The following KDM6A variants were observed in gnomAD, a reference collection of about 807,000 sequenced individuals.
The protein encoded by KDM6A is lysine-specific demethylase 6A.
In KDM6A, 11 loss-of-function variants were observed where a neutral mutation model predicts 117.6. The ratio of observed to expected loss-of-function variants is 0.09; its 90% CI spans 0.06 to 0.15. The LOEUF is 0.15. KDM6A is among the 10% of genes least tolerant of loss of function. The pLI is 1.00. For missense variants in KDM6A, 799 were observed against 1,077.3 expected (o/e 0.74, Z 3.62); for synonymous variants, 384 against 396.1 (o/e 0.97, Z 0.36).
intron 8 of KDM6A, 36 bp downstream of exon 8, chrX:45,037,725 C>G: frequency 1.9e-6 from 2 of 1,074,536 alleles, no homozygotes; most frequent in Admixed American, 4.4e-5. Context: ...AAAACAAAAG[C>G]AAACAAAAAT....
chrX:44,974,243 A>G (rs375658438), intron 3 of KDM6A, among the ~76,000 whole-genome samples: 46 of 111,447 alleles, frequency 4.1e-4, no homozygotes, highest in African/African-American at 1.2e-3. Flanking sequence ...GAGGGAGCCA[A>G]TTGCTTCTCA....
chrX:44,911,287 G>A (rs1457967536), intron 2 of KDM6A, among the ~76,000 whole-genome samples: 50 of 104,092 alleles, frequency 4.8e-4, no homozygotes, highest in African/African-American at 1.7e-3. Context: ...GCTGCTGGGC[G>A]GAGGGGCTCC....
At chrX:44,983,461 G>A (rs1236714086) in intron 4 of KDM6A, among the ~76,000 whole-genome samples, 1 of 110,550 alleles carries the variant, frequency 9.0e-6, no homozygotes, top group African/African-American at 3.3e-5. Flanking sequence ...TGTGCACAAC[G>A]TGCAGGTTAG....
intron 2 of KDM6A, among the ~76,000 whole-genome samples, chrX:44,941,772 A>T (rs193000678): frequency 4.0e-4 from 44 of 109,501 alleles, no homozygotes; most frequent in African/African-American, 1.4e-3. Context: ...AGCCACCGCG[A>T]CTGGCAATTC....
rs760927154 is a variant in KDM6A at position 45,062,783 on chromosome X, G to A, written c.1683+35G>A. 13 of 925,175 alleles carry A rather than the reference G, an allele frequency of 1.4e-5. 1 individual carries two copies. The South Asian group carries it at 1.6e-4, about 11-fold the overall frequency. The allele number at this position is 925,175 out of a possible 1,213,427, so 76.2% of individuals were successfully genotyped here. A position where few individuals can be genotyped will look rare whatever the true frequency, so the allele number is the denominator to read the frequency against. On this transcript the variant is annotated intron_variant, in intron 16 of 29. Transcript: ENST00000611820. ...GCATATTTTTCCCTGAAATTTGTTA[G>A]CATTTTGAGTATTTTTATTGACTCT...
At chrX:45,083,811 A>G (rs941642950) in intron 24 of KDM6A, among the ~76,000 whole-genome samples, 11 of 111,529 alleles carry the variant, frequency 9.9e-5, no homozygotes, top group African/African-American at 3.3e-4. Context: ...AAACATTATA[A>G]CAATTTAATC....
At chrX:44,896,145 C>T (rs903349311) in intron 2 of KDM6A, among the ~76,000 whole-genome samples, 1 of 107,947 alleles carries the variant, frequency 9.3e-6, no homozygotes, top group Non-Finnish European at 1.9e-5. Flanking sequence ...TGGATTTCCG[C>T]TCACTGCAAG....
intron 6 of KDM6A, among the ~76,000 whole-genome samples, chrX:45,022,245 A>G (rs1026474210): frequency 8.9e-6 from 1 of 112,275 alleles, no homozygotes; most frequent in African/African-American, 3.2e-5. Flanking sequence ...CCTTTAATCA[A>G]GGGAAACAGT....
chrX:45,075,232 A>G (rs373497670), intron 18 of KDM6A, among the ~76,000 whole-genome samples: 2 of 111,601 alleles, frequency 1.8e-5, no homozygotes, highest in East Asian at 5.6e-4. Context: ...TGGTTTAATG[A>G]TAATACTTGA....
chrX:45,019,329 A>G (rs1364142101), intron 5 of KDM6A, among the ~76,000 whole-genome samples: 2 of 111,749 alleles, frequency 1.8e-5, no homozygotes, highest in African/African-American at 6.5e-5. Context: ...TTCAGAAGAA[A>G]GTACTGTCAT....
At chrX:45,048,841 T>G (rs1016670284) in intron 8 of KDM6A, among the ~76,000 whole-genome samples, 1 of 106,730 alleles carries the variant, frequency 9.4e-6, no homozygotes, top group Non-Finnish European at 1.9e-5. Flanking sequence ...CCAAATATTG[T>G]CAGAGGCAAA....
intron 2 of KDM6A, among the ~76,000 whole-genome samples, chrX:44,944,766 T>A (rs1669740811): frequency 8.9e-6 from 1 of 112,407 alleles, no homozygotes; most frequent in Admixed American, 9.5e-5. Flanking sequence ...GCTGACTTTG[T>A]AGCATATGTC....
intron 5 of KDM6A, among the ~76,000 whole-genome samples, chrX:45,012,446 G>T (rs908406444): frequency 4.6e-5 from 5 of 108,303 alleles, no homozygotes; most frequent in African/African-American, 1.3e-4. Context: ...CAAGTGATCC[G>T]CCCACCTCAG....
At chrX:44,993,523 T>G (rs1162218026) in intron 4 of KDM6A, among the ~76,000 whole-genome samples, 1 of 111,137 alleles carries the variant, frequency 9.0e-6, no homozygotes. Flanking sequence ...TACTGAATTT[T>G]CACTGACTCC....
At chrX:44,886,347 C>G (rs1236244964) in intron 2 of KDM6A, among the ~76,000 whole-genome samples, 4 of 111,250 alleles carry the variant, frequency 3.6e-5, no homozygotes, top group African/African-American at 1.3e-4. Context: ...TGCACCTGAC[C>G]TACTGTGAGC....
intron 3 of KDM6A, among the ~76,000 whole-genome samples, chrX:44,963,092 A>G (rs990904543): frequency 9.0e-6 from 1 of 111,401 alleles, no homozygotes; most frequent in African/African-American, 3.3e-5. Flanking sequence ...AACTAAGTTT[A>G]CGTAATATTC....
At chrX:45,003,394 CTTTTT>C (rs397896934) in intron 4 of KDM6A, among the ~76,000 whole-genome samples, 9 of 75,543 alleles carry the variant, frequency 1.2e-4, no homozygotes, top group Admixed American at 3.1e-4. Flanking sequence ...AATTATCCTT[CTTTTT>C]TTTTTTTTTT....
intron 2 of KDM6A, among the ~76,000 whole-genome samples, chrX:44,924,169 C>G (rs1442654174): frequency 8.9e-6 from 1 of 111,911 alleles, no homozygotes; most frequent in Non-Finnish European, 1.9e-5. Context: ...ACTAATGCTG[C>G]TATTTGTATC....
At chrX:44,907,373 G>C (rs911084153) in intron 2 of KDM6A, among the ~76,000 whole-genome samples, 1 of 110,353 alleles carries the variant, frequency 9.1e-6, no homozygotes, top group Non-Finnish European at 1.9e-5. Context: ...TGCCTCCCGG[G>C]TTCAAGTAGT....
Sources: gnomAD v4.1 joint callset for allele counts (sites outside exome capture counted in the v4.1 genomes callset) on GRCh38, gnomAD v4.1.1 for gene constraint, MANE v1.5 for transcripts, NCBI Gene and HGNC (gene_info 2026-07-23, HGNC 2026-07-21) for gene names.